ZPLD1: variants seen among roughly 807,000 people sequenced by gnomAD.
ZPLD1 encodes the protein zona pellucida like domain containing 1, also known as zona pellucida-like domain-containing protein 1.
ZPLD1 carries 34 observed loss-of-function variants against 47.2 expected under a neutral mutation model. The ratio of observed to expected loss-of-function variants is 0.72; its 90% CI spans 0.55 to 0.96. The LOEUF (loss-of-function observed/expected upper bound fraction) is 0.96, where lower values mean the gene tolerates loss of function less well. Ranked by LOEUF, ZPLD1 falls within the 40% of genes least tolerant of loss-of-function variation. The pLI is 0.00. For synonymous variants in ZPLD1, 176 were observed against 186.2 expected (o/e 0.95, Z 0.45); for missense variants, 512 against 505.8 (o/e 1.01, Z -0.12).
chr3:102,472,416 C>T (rs1028134773), intron 10 of ZPLD1, among the ~76,000 whole-genome samples: 14 of 151,836 alleles, frequency 9.2e-5, no homozygotes, highest in African/African-American at 3.4e-4. Context: ...CCTGTAATCA[C>T]AGCTACTTGG....
intron 8 of ZPLD1, among the ~76,000 whole-genome samples, chr3:102,424,880 T>C (rs1007018250): frequency 4.6e-5 from 7 of 152,214 alleles, no homozygotes; most frequent in Non-Finnish European, 7.3e-5. Flanking sequence ...TTCTAGCACA[T>C]TATTTGTTGC....
chr3:102,388,005 C>T (rs546409217), intron 6 of ZPLD1, among the ~76,000 whole-genome samples: 81 of 152,010 alleles, frequency 5.3e-4, no homozygotes, highest in African/African-American at 1.5e-3. Context: ...GAACTACAGG[C>T]GCCCGCCACC....
intron 8 of ZPLD1, among the ~76,000 whole-genome samples, chr3:102,468,579 AG>A (rs971549622): frequency 6.6e-6 from 1 of 152,198 alleles, no homozygotes; most frequent in Admixed American, 6.5e-5. Context: ...GAGGACAATA[AG>A]AATACATTGC....
At chr3:102,397,172 T>A (rs943649961) in intron 7 of ZPLD1, among the ~76,000 whole-genome samples, 3 of 151,942 alleles carry the variant, frequency 2.0e-5, no homozygotes, top group African/African-American at 4.8e-5. Flanking sequence ...CAGAAAAAAA[T>A]TTTTGGATCA....
At chr3:102,444,935 C>T (rs1051369958) in intron 3 of ZPLD1, among the ~76,000 whole-genome samples, 1 of 152,172 alleles carries the variant, frequency 6.6e-6, no homozygotes, top group Non-Finnish European at 1.5e-5. Flanking sequence ...AGCCACTCTA[C>T]CCCCGTCCTC....
At chr3:102,393,161 G>C (rs1027910387) in intron 7 of ZPLD1, among the ~76,000 whole-genome samples, 3 of 152,128 alleles carry the variant, frequency 2.0e-5, no homozygotes, top group African/African-American at 7.2e-5. Flanking sequence ...AATTGAGCTA[G>C]AGGGTGTGAA....
intron 7 of ZPLD1, among the ~76,000 whole-genome samples, chr3:102,412,018 G>A (rs1706752407): frequency 6.6e-6 from 1 of 151,712 alleles, no homozygotes; most frequent in Non-Finnish European, 1.5e-5. Flanking sequence ...GTATTCCTGA[G>A]CTTGAAATTG....
chr3:102,411,654 C>T (rs909916873), intron 7 of ZPLD1, among the ~76,000 whole-genome samples: 1 of 151,616 alleles, frequency 6.6e-6, no homozygotes, highest in African/African-American at 2.4e-5. Context: ...AAGAATCCTT[C>T]CCCCAAGAAT....
chr3:102,467,172 T>C (rs1707607596), intron 8 of ZPLD1, among the ~76,000 whole-genome samples: 1 of 152,114 alleles, frequency 6.6e-6, no homozygotes, highest in Non-Finnish European at 1.5e-5. Context: ...CAGCAATTTA[T>C]AACGATATCA....
At chr3:102,409,759 C>T (rs1706729861) in intron 7 of ZPLD1, among the ~76,000 whole-genome samples, 1 of 151,738 alleles carries the variant, frequency 6.6e-6, no homozygotes, top group Non-Finnish European at 1.5e-5. Flanking sequence ...TTCCATAAAG[C>T]TGTTTATTTT....
intron 10 of ZPLD1, among the ~76,000 whole-genome samples, chr3:102,472,748 G>A (rs1470989275): frequency 6.6e-6 from 1 of 152,190 alleles, no homozygotes; most frequent in Non-Finnish European, 1.5e-5. Flanking sequence ...AACTTTTAAA[G>A]TGACATTTCT....
At chr3:102,467,628 A>G (rs1707616382) in intron 8 of ZPLD1, among the ~76,000 whole-genome samples, 1 of 152,122 alleles carries the variant, frequency 6.6e-6, no homozygotes, top group South Asian at 2.1e-4. Flanking sequence ...AAGATAAAAA[A>G]TAGTATTGGA....
chr3:102,435,384 G>A (rs966424610), intron 1 of ZPLD1, among the ~76,000 whole-genome samples: 1 of 152,086 alleles, frequency 6.6e-6, no homozygotes, highest in Non-Finnish European at 1.5e-5. Context: ...AACTCAAATA[G>A]AGATTCAACC....
chr3:102,433,307 C>T (rs528288457), upstream of ZPLD1, among the ~76,000 whole-genome samples: 23 of 152,236 alleles, frequency 1.5e-4, no homozygotes, highest in African/African-American at 5.3e-4. Flanking sequence ...GTCATTGCTC[C>T]GGGCGTGAAT....
chr3:102,435,127 T>C lies in ZPLD1; in HGVS notation c.-150T>C. 1 of 1,614,104 alleles carries C rather than the reference T, an allele frequency of 6.2e-7. No homozygotes were observed. Among genetic ancestry groups the C allele is most frequent in the Non-Finnish European group, 8.5e-7 (1 of 1,179,992 alleles). ...TTGCTATGGCAAGATGATGCTCAGG[T>C]TTTCCATGTGCAGGGGAAATGATGA... On this transcript the variant is annotated 5_prime_UTR_variant, in exon 1 of 12. Transcript: ENST00000466937.
chr3:102,423,728 T>G (rs79091123), intron 8 of ZPLD1, among the ~76,000 whole-genome samples: 7,827 of 152,162 alleles, frequency 0.051, 270 homozygotes, highest in Middle Eastern at 0.095. Flanking sequence ...TGAGTCTCCC[T>G]CAAGAAGCAG....
At chr3:102,387,203 T>C (rs1015220118) in intron 6 of ZPLD1, among the ~76,000 whole-genome samples, 2 of 152,184 alleles carry the variant, frequency 1.3e-5, no homozygotes, top group South Asian at 2.1e-4. Flanking sequence ...TGGCCTTCTC[T>C]TCCACTGTCC....
At chr3:102,471,225 A>G (rs1707680609) in intron 10 of ZPLD1, among the ~76,000 whole-genome samples, 1 of 152,166 alleles carries the variant, frequency 6.6e-6, no homozygotes, top group African/African-American at 2.4e-5. Context: ...TGGTGCTGTA[A>G]GCAGATGGGA....
chr3:102,443,491 A>G (rs1021352928), intron 3 of ZPLD1, among the ~76,000 whole-genome samples: 12 of 152,212 alleles, frequency 7.9e-5, no homozygotes, highest in African/African-American at 2.7e-4. Context: ...TTGAATAGTA[A>G]GTTTTAAAAA....
Sources: allele counts gnomAD v4.1 joint callset (sites outside exome capture counted in the v4.1 genomes callset), GRCh38; gene constraint gnomAD v4.1.1; transcripts MANE v1.5; gene names NCBI Gene and HGNC (gene_info 2026-07-23, HGNC 2026-07-21).